The following PPARGC1A variants were observed in gnomAD, a reference collection of about 807,000 sequenced individuals.
The protein encoded by PPARGC1A is PPARG coactivator 1 alpha.
In PPARGC1A, 25 loss-of-function variants were observed where a neutral mutation model predicts 88.7. The observed-to-expected ratio is 0.28, with a 90% CI of 0.21 to 0.39. The LOEUF (loss-of-function observed/expected upper bound fraction) is 0.39. Among genes scored for constraint, PPARGC1A ranks in the 10% least tolerant of loss-of-function variants. The probability of loss-of-function intolerance (pLI) is 1.00; values close to 1 mark genes in which losing one functional copy is unlikely to be tolerated. For synonymous variants in PPARGC1A, 363 were observed against 355.6 expected (o/e 1.02, Z -0.24); for missense variants, 880 against 968.7 (o/e 0.91, Z 1.22).
chr4:24,216,525 A>G, the PPARGC1A span, among the ~76,000 whole-genome samples: 1 of 152,086 alleles, frequency 6.6e-6, no homozygotes, highest in Non-Finnish European at 1.5e-5. Flanking sequence ...TCAGGAGGAG[A>G]TAATGAGGTT....
At chr4:24,217,896 C>T in the PPARGC1A span, among the ~76,000 whole-genome samples, 1 of 152,060 alleles carries the variant, frequency 6.6e-6, no homozygotes, top group Non-Finnish European at 1.5e-5. Flanking sequence ...CCAGTGATTC[C>T]CCCCGATTTT....
chr4:24,235,097 G>A, the PPARGC1A span, among the ~76,000 whole-genome samples: 1 of 151,950 alleles, frequency 6.6e-6, no homozygotes, highest in Admixed American at 6.6e-5. Context: ...AACTCCACTG[G>A]CCACTTAACA....
At chr4:24,137,343 G>C in the PPARGC1A span, among the ~76,000 whole-genome samples, 2 of 151,984 alleles carry the variant, frequency 1.3e-5, no homozygotes, top group Admixed American at 6.6e-5. Context: ...CAGAACTGGG[G>C]TTACATAAAT....
At chr4:24,276,316 T>C in the PPARGC1A span, among the ~76,000 whole-genome samples, 3 of 152,340 alleles carry the variant, frequency 2.0e-5, no homozygotes, top group East Asian at 5.8e-4. Context: ...CTCCAGGTCC[T>C]GTAAGTCCAC....
At chr4:24,380,236 G>T in the PPARGC1A span, among the ~76,000 whole-genome samples, 1 of 152,114 alleles carries the variant, frequency 6.6e-6, no homozygotes, top group Non-Finnish European at 1.5e-5. Context: ...GAAATTCAGG[G>T]TAGAAGGAAG....
the PPARGC1A span, among the ~76,000 whole-genome samples, chr4:23,970,385 C>T: frequency 6.6e-6 from 1 of 152,186 alleles, no homozygotes; most frequent in African/African-American, 2.4e-5. Context: ...TCAGATGAAC[C>T]TTGCAACTCT....
At chr4:24,131,461 A>G in the PPARGC1A span, among the ~76,000 whole-genome samples, 8 of 152,206 alleles carry the variant, frequency 5.3e-5, no homozygotes, top group Admixed American at 3.3e-4. Context: ...TAGAACTCAT[A>G]TGTTTGCCAG....
At chr4:24,106,324 T>C in the PPARGC1A span, among the ~76,000 whole-genome samples, 1 of 152,212 alleles carries the variant, frequency 6.6e-6, no homozygotes, top group Non-Finnish European at 1.5e-5. Context: ...AACAATCAAC[T>C]GATCTATCAT....
At chr4:24,263,179 C>T in the PPARGC1A span, among the ~76,000 whole-genome samples, 63 of 152,216 alleles carry the variant, frequency 4.1e-4, no homozygotes, top group East Asian at 0.011. Flanking sequence ...AAACAAGTGA[C>T]GTAAGACCTT....
chr4:23,936,196 C>T, the PPARGC1A span, among the ~76,000 whole-genome samples: 1 of 152,170 alleles, frequency 6.6e-6, no homozygotes, highest in Admixed American at 6.5e-5. Flanking sequence ...TGAATGCCTA[C>T]TATGTACTAT....
the PPARGC1A span, among the ~76,000 whole-genome samples, chr4:24,323,866 A>G: frequency 2.0e-5 from 3 of 152,332 alleles, no homozygotes; most frequent in South Asian, 2.1e-4. Context: ...CAAATCCGGT[A>G]AGCGGCCTCT....
chr4:24,377,030 T>C, the PPARGC1A span, among the ~76,000 whole-genome samples: 4 of 152,030 alleles, frequency 2.6e-5, no homozygotes, highest in African/African-American at 4.8e-5. Flanking sequence ...TGAACTGTCA[T>C]GGACTGGAGA....
intron 11 of PPARGC1A, 70 bp from the exon 12 acceptor site, chr4:23,801,951 C>T: frequency 6.4e-7 from 1 of 1,557,556 alleles, no homozygotes; most frequent in South Asian, 1.2e-5. Context: ...ACCCTTTCTA[C>T]TTTGTGAGAC....
In PPARGC1A at chr4:23,795,747, A is replaced by G. The variant is rs767509079; in HGVS notation, c.*75T>C. ...GGAGAAATTCCTAAGTATGACTTGC[A>G]ATAGTCTTTAGGGAAGGACGCGCTG... On this transcript the variant is annotated 3_prime_UTR_variant, in exon 13 of 13. Coordinates refer to ENST00000264867, the MANE Select transcript of PPARGC1A (RefSeq NM_013261.5). The G allele has an allele frequency of 1.8e-5, 21 of 1,155,438 alleles. No homozygotes were observed. The highest frequency in any genetic ancestry group is 2.6e-5 in the Non-Finnish European group (21 of 807,530). 71.6% of individuals were successfully genotyped at this position (1,155,438 alleles called of 1,614,324 possible). A position where few individuals can be genotyped will look rare whatever the true frequency, so the allele number is the denominator to read the frequency against.
the PPARGC1A span, among the ~76,000 whole-genome samples, chr4:23,928,755 AAAAAAC>A: frequency 5.0e-4 from 1 of 1,986 alleles, no homozygotes; most frequent in African/African-American, 6.1e-4. Context: ...TCCAGCCACA[AAAAAAC>A]AAAAAAAACA....
intron 1 of PPARGC1A, among the ~76,000 whole-genome samples, chr4:23,897,388 C>A (rs1577691995): frequency 6.6e-6 from 1 of 152,160 alleles, no homozygotes. Flanking sequence ...ACATGGCCCT[C>A]ATTCAGCTAT....
At chr4:24,009,727 C>T in the PPARGC1A span, among the ~76,000 whole-genome samples, 2 of 152,190 alleles carry the variant, frequency 1.3e-5, no homozygotes, top group Admixed American at 6.5e-5. Flanking sequence ...ACATTGGAGT[C>T]TGCTTCGGAA....
At chr4:24,066,846 T>TG in the PPARGC1A span, among the ~76,000 whole-genome samples, 4 of 100,652 alleles carry the variant, frequency 4.0e-5, no homozygotes, top group East Asian at 2.9e-4. Context: ...TTGTTTGTTT[T>TG]GGGTTTTTTT....
chr4:24,470,091 C>T, the PPARGC1A span, among the ~76,000 whole-genome samples: 4 of 152,122 alleles, frequency 2.6e-5, no homozygotes, highest in Non-Finnish European at 5.9e-5. The surrounding 1 kb of genome is among the most constrained non-coding windows in gnomAD (Gnocchi z 5.8). Flanking sequence ...CCCCGGGGTG[C>T]AGGTCGGAGG....
Sources: gnomAD v4.1 joint callset for allele counts (sites outside exome capture counted in the v4.1 genomes callset) on GRCh38, gnomAD v4.1.1 for gene constraint, Gnocchi (gnomAD v3.1) non-coding constraint, MANE v1.5 for transcripts, NCBI Gene and HGNC (gene_info 2026-07-23, HGNC 2026-07-21) for gene names.